Variants in PIK3AP1 observed in about 807,000 individuals in gnomAD.
The protein encoded by PIK3AP1 is phosphoinositide-3-kinase adaptor protein 1, also known as phosphoinositide 3-kinase adapter protein 1.
Under a neutral mutation model 88.1 loss-of-function variants are expected in PIK3AP1, and 21 were observed. The observed-to-expected ratio is 0.24, with a 90% CI of 0.17 to 0.34. The LOEUF is 0.34. PIK3AP1 is among the 10% of genes least tolerant of loss of function. The probability of loss-of-function intolerance (pLI) is 1.00; values close to 1 mark genes in which losing one functional copy is unlikely to be tolerated. For synonymous variants in PIK3AP1, 398 were observed against 400.0 expected, an observed-to-expected ratio of 1.00 and a Z score of 0.06; for missense variants, 828 against 1,035.7, an observed-to-expected ratio of 0.80 and a Z score of 2.75.
chr10:96,691,213 C>T (rs1007768371), intron 2 of PIK3AP1, among the ~76,000 whole-genome samples: 9 of 152,168 alleles, frequency 5.9e-5, no homozygotes, highest in Admixed American at 2.6e-4. Flanking sequence ...CCCCGAAACC[C>T]TCAAACTAAC....
chr10:96,607,397 A>G (rs983677856), intron 14 of PIK3AP1, among the ~76,000 whole-genome samples: 1 of 152,200 alleles, frequency 6.6e-6, no homozygotes, highest in African/African-American at 2.4e-5. Context: ...AAATATGGTG[A>G]CATGCTTGGC....
At chr10:96,682,572 C>A (rs479965) in intron 2 of PIK3AP1, among the ~76,000 whole-genome samples, 4 of 152,084 alleles carry the variant, frequency 2.6e-5, no homozygotes, top group African/African-American at 9.7e-5. Context: ...TACCGTCTCC[C>A]CATGATGAGA....
intron 8 of PIK3AP1, among the ~76,000 whole-genome samples, chr10:96,631,491 G>GGCCT (rs1843243882): frequency 6.6e-6 from 1 of 152,148 alleles, no homozygotes; most frequent in African/African-American, 2.4e-5. Flanking sequence ...GTCCTGGCTG[G>GGCCT]GCCTGGCATG....
At chr10:96,644,058 C>T (rs767304235) in intron 8 of PIK3AP1, among the ~76,000 whole-genome samples, 4 of 152,180 alleles carry the variant, frequency 2.6e-5, no homozygotes, top group Non-Finnish European at 4.4e-5. Context: ...GCTTCAACTC[C>T]AGTACGTGCG....
intron 2 of PIK3AP1, among the ~76,000 whole-genome samples, chr10:96,667,073 C>A (rs1283489043): frequency 6.6e-6 from 1 of 152,240 alleles, no homozygotes; most frequent in Admixed American, 6.5e-5. Flanking sequence ...GACCTGCCAC[C>A]ATGGCAAATG....
intron 2 of PIK3AP1, among the ~76,000 whole-genome samples, chr10:96,691,017 G>T (rs1172475): frequency 0.58 from 87,698 of 152,000 alleles, 26,989 homozygotes; most frequent in African/African-American, 0.81. Context: ...GGTAACTCCA[G>T]GGAGTTCCAG....
chr10:96,635,485 A>G (rs572019031), intron 8 of PIK3AP1, among the ~76,000 whole-genome samples: 1 of 152,370 alleles, frequency 6.6e-6, no homozygotes, highest in Non-Finnish European at 1.5e-5. Flanking sequence ...TAGACCAGGA[A>G]CAGCAGATGC....
At chr10:96,700,789 C>T (rs1021059286) in intron 2 of PIK3AP1, 3 of 984,862 alleles carry the variant, frequency 3.0e-6, no homozygotes, top group Non-Finnish European at 3.6e-6. Context: ...CCCCAGAAGT[C>T]GTCCATGACT....
At chr10:96,638,992 T>G (rs1843350625) in intron 8 of PIK3AP1, among the ~76,000 whole-genome samples, 1 of 152,064 alleles carries the variant, frequency 6.6e-6, no homozygotes, top group African/African-American at 2.4e-5. Context: ...GAAAAACAAA[T>G]GAACACATGA....
At chr10:96,631,616 C>A (rs752221012) in intron 8 of PIK3AP1, among the ~76,000 whole-genome samples, 2 of 152,184 alleles carry the variant, frequency 1.3e-5, no homozygotes, top group African/African-American at 4.8e-5. Context: ...AAGCCAGGTG[C>A]AGTGGCTCAT....
intron 10 of PIK3AP1, among the ~76,000 whole-genome samples, chr10:96,626,026 G>T (rs982205033): frequency 6.6e-6 from 1 of 152,130 alleles, no homozygotes. Context: ...GGGATTACAG[G>T]TATGAGCCAC....
At chr10:96,676,956 T>C (rs998962405) in intron 2 of PIK3AP1, among the ~76,000 whole-genome samples, 1 of 152,082 alleles carries the variant, frequency 6.6e-6, no homozygotes, top group Non-Finnish European at 1.5e-5. Flanking sequence ...CCTTTCCATC[T>C]GAGGAAAGAG....
chr10:96,604,022 C>A lies in PIK3AP1; in HGVS notation c.2198G>T (p.Arg733Leu). 1 of 1,607,654 alleles carries A rather than the reference C, an allele frequency of 6.2e-7. No individual in the cohort carries two copies. The highest frequency in any genetic ancestry group is 8.5e-7 in the Non-Finnish European group (1 of 1,176,808). The change falls in exon 15 of 17, where the codon CGG becomes CTG. Residue 733 changes from arginine to leucine, a missense_variant. Arg to Leu is a moderately radical substitution (Grantham distance 102). This residue lies in a region of PIK3AP1 where 191 missense variants were observed against 208.6 expected (regional missense o/e 0.92). Coordinates refer to ENST00000339364, the MANE Select transcript of PIK3AP1 (RefSeq NM_152309.3). Reference protein sequence around the residue: ...ASSTSNRSSTRSLLSVSSGME... With the variant: ...ASSTSNRSSTLSLLSVSSGME... ...CCCGCTGCTCACACTGAGGAGGCTC[C>A]GGGTGCTGGAGCGGTTACTTGTGCT... is the stretch of plus-strand genomic sequence containing the variant.
At chr10:96,684,754 T>C (rs1262566952) in intron 2 of PIK3AP1, among the ~76,000 whole-genome samples, 1 of 152,144 alleles carries the variant, frequency 6.6e-6, no homozygotes, top group Non-Finnish European at 1.5e-5. Flanking sequence ...ATATATTCCA[T>C]ACTGAAATTT....
At chr10:96,688,967 C>T (rs1024870402) in intron 2 of PIK3AP1, among the ~76,000 whole-genome samples, 1 of 151,924 alleles carries the variant, frequency 6.6e-6, no homozygotes, top group Non-Finnish European at 1.5e-5. Flanking sequence ...CAAGAGATAG[C>T]CCTTTAGCTG....
intron 2 of PIK3AP1, among the ~76,000 whole-genome samples, chr10:96,678,443 T>A (rs1482318306): frequency 2.6e-5 from 4 of 151,630 alleles, no homozygotes; most frequent in East Asian, 1.9e-4. Context: ...TCAAAAAAAA[T>A]TTTTTTTGTA....
chr10:96,623,665 A>G, intron 10 of PIK3AP1, 128 bp from the exon 11 acceptor site: 1 of 762,990 alleles, frequency 1.3e-6, no homozygotes, highest in South Asian at 1.6e-5. Context: ...GAAAGAGGCA[A>G]TTAATGAGAA....
chr10:96,628,470 T>C lies in PIK3AP1; in HGVS notation c.1399A>G (p.Thr467Ala). 1.2e-6 allele frequency: 2 copies of C among 1,613,172 alleles called. No homozygotes were observed. Among genetic ancestry groups the C allele is most frequent in the South Asian group, 1.1e-5 (1 of 91,042 alleles). Residue 467 changes from threonine to alanine, a missense_variant, in exon 9 of 17, where the codon ACA becomes GCA. Transcript: ENST00000339364. ...DLYVEMLQAS[T>A]SNPIPGDGFS... ...CCATCTCCAGGGATTGGGTTAGATG[T>C]ACTGGCCTGAAGCATTTCAACATCT... is the stretch of plus-strand genomic sequence containing the variant.
chr10:96,609,569 G>A (rs1357331098), intron 14 of PIK3AP1, 143 bp downstream of exon 14: 7 of 849,170 alleles, frequency 8.2e-6, no homozygotes, highest in African/African-American at 3.4e-5. Context: ...ACAGTAACTC[G>A]GCCCCACCTT....
Sources: allele counts gnomAD v4.1 joint callset (sites outside exome capture counted in the v4.1 genomes callset), GRCh38; gene constraint gnomAD v4.1.1; regional missense constraint gnomAD v4.1.1; transcripts MANE v1.5; gene names NCBI Gene and HGNC (gene_info 2026-07-23, HGNC 2026-07-21).